Variants in TNRC18 observed in about 807,000 individuals in gnomAD.
TNRC18 encodes the protein trinucleotide repeat containing 18, also known as trinucleotide repeat-containing gene 18 protein.
In TNRC18, 69 loss-of-function variants were observed where a neutral mutation model predicts 226.7. That is an observed-to-expected ratio of 0.30 (90% CI 0.25 to 0.37). TNRC18 has a LOEUF of 0.37. Among genes scored for constraint, TNRC18 ranks in the 10% least tolerant of loss-of-function variants. The pLI is 1.00. For missense variants in TNRC18, 4,754 were observed against 4,256.6 expected, an observed-to-expected ratio of 1.12 and a Z score of -3.25; for synonymous variants, 2,449 against 1,927.6, an observed-to-expected ratio of 1.27 and a Z score of -7.09.
chr7:5,375,992 G>A (rs763549695), intron 9 of TNRC18, 42 bp downstream of exon 9: 4 of 1,546,250 alleles, frequency 2.6e-6, no homozygotes, highest in Admixed American at 4.0e-5. Context: ...GTCACCCATG[G>A]GGGCCCCCAG....
rs139099754 is a variant in TNRC18, at chr7:5,394,921, C to T, written c.188-326G>A. Among the ~76,000 whole-genome samples the T allele has an allele frequency of 1.1e-3, 175 of 152,296 alleles. 1 individual carries two copies. Among genetic ancestry groups the T allele is most frequent in the African/African-American group, 4.2e-3 (174 of 41,558 alleles). On this transcript the variant is annotated intron_variant, in intron 2 of 29. Coordinates refer to ENST00000430969, the MANE Select transcript of TNRC18 (RefSeq NM_001080495.3). The surrounding 1 kb of genome is among the most constrained non-coding windows in gnomAD (Gnocchi z 4.5). ...CCGCCCAACCAGCCCAGATCCGGCC[C>T]GGCACCATTCTCCCCATCTGCAGGT...
intron 14 of TNRC18, among the ~76,000 whole-genome samples, chr7:5,360,514 G>T (rs955757172): frequency 6.6e-6 from 1 of 152,170 alleles, no homozygotes; most frequent in African/African-American, 2.4e-5. Context: ...ACAGGCGTGA[G>T]CCACCGTGGC....
rs1787274109 is a variant in TNRC18, at chr7:5,312,046, G to C, written c.8388+457C>G. 6.6e-6 allele frequency among the ~76,000 whole-genome samples: 1 copy of C among 152,132 alleles called. No individual in the cohort carries two copies. On this transcript the variant is annotated intron_variant, in intron 27 of 29. Coordinates refer to ENST00000430969, the MANE Select transcript of TNRC18 (RefSeq NM_001080495.3). The surrounding 1 kb of genome is among the most constrained non-coding windows in gnomAD (Gnocchi z 6.3). ...AGCTACTTGGGAGGCTGACGCAGGA[G>C]AATTGCTTGAACCCGGGAGGCAGAG...
At chr7:5,414,700 C>A (rs1259710081) in intron 2 of TNRC18, among the ~76,000 whole-genome samples, 1 of 152,270 alleles carries the variant, frequency 6.6e-6, no homozygotes, top group Non-Finnish European at 1.5e-5. Context: ...GCGTGAGCCA[C>A]TGCGCCCGGC....
intron 2 of TNRC18, among the ~76,000 whole-genome samples, chr7:5,410,316 A>C (rs1478810053): frequency 6.6e-6 from 1 of 151,010 alleles, no homozygotes; most frequent in Non-Finnish European, 1.5e-5. Flanking sequence ...GTCTCAAAAA[A>C]AAAAAAAAAA....
In TNRC18 at chr7:5,377,495, C is replaced by T; in HGVS notation, c.2337G>A (p.Val779=). The change falls in exon 7 of 30, where the codon GTG becomes GTA. Residue 779 remains valine, a synonymous_variant. Coordinates refer to ENST00000430969, the MANE Select transcript of TNRC18 (RefSeq NM_001080495.3). The surrounding 1 kb of genome is among the most constrained non-coding windows in gnomAD (Gnocchi z 5.8). The part of the protein sequence containing the change: ...APNGLNPNLM[V]TGGPALAGSG... Reference sequence around the variant, plus strand: ...AGCCCGCCAGCGCCGGGCCCCCCGTCACCATGAGGTTGGGGTTCAGGCCGT... The same window carrying T: ...AGCCCGCCAGCGCCGGGCCCCCCGTTACCATGAGGTTGGGGTTCAGGCCGT... 1 of 1,584,936 alleles carries T rather than the reference C, an allele frequency of 6.3e-7. No individual in the cohort carries two copies. The highest frequency in any genetic ancestry group is 8.6e-7 in the Non-Finnish European group (1 of 1,166,398).
rs1336905819 is a variant in TNRC18 at position 5,374,403 on chromosome 7, C to T, written c.2881G>A (p.Ala961Thr). ...SKRGLEAAGKAGLATAGPGLL... is the reference protein window; with the variant it reads ...SKRGLEAAGKTGLATAGPGLL... The stretch of plus-strand genomic sequence containing the variant: ...CCGGGGCCGGCGGTGGCCAGGCCAG[C>T]CTTGCCCGCAGCCTCCAGGCCCCGC... The change falls in exon 10 of 30, where the codon GCT (alanine) becomes ACT (threonine). Residue 961 changes from alanine to threonine, a missense_variant. Transcript: ENST00000430969. 2 of 1,533,542 alleles carry T rather than the reference C, an allele frequency of 1.3e-6. No individual in the cohort carries two copies. The highest frequency in any genetic ancestry group is 5.2e-5 in the East Asian group (2 of 38,644). 95.0% of individuals were successfully genotyped at this position (1,533,542 alleles called of 1,614,324 possible). A position where few individuals can be genotyped will look rare whatever the true frequency, so the allele number is the denominator to read the frequency against.
In TNRC18 at chr7:5,320,517, C is replaced by A. The variant is rs764212617; in HGVS notation, c.6636+15G>T. ...CCACCCCGAGCCTCCCGAGGCCCCGCCCCTCCCCCCTCACCGCCTCCTGCA... is the reference window on the plus strand; with the variant it reads ...CCACCCCGAGCCTCCCGAGGCCCCGACCCTCCCCCCTCACCGCCTCCTGCA... On this transcript the variant is annotated intron_variant, in intron 23 of 29. Coordinates refer to ENST00000430969, the MANE Select transcript of TNRC18 (RefSeq NM_001080495.3). The A allele has an allele frequency of 1.1e-5, 18 of 1,604,440 alleles. No homozygotes were observed. Among genetic ancestry groups the A allele is most frequent in the Admixed American group, 1.7e-5 (1 of 59,388 alleles).
chr7:5,364,569 C>T (rs1459457071), intron 11 of TNRC18, among the ~76,000 whole-genome samples: 3 of 151,054 alleles, frequency 2.0e-5, no homozygotes, highest in Non-Finnish European at 4.4e-5. Context: ...TTTGGGAGGC[C>T]GAGGCGGGTG....
rs374559141 is a variant in TNRC18, at chr7:5,403,557, CTGAGGCAGGAGTCGTT to C, written c.188-8978_188-8963del. 3.1e-3 allele frequency among the ~76,000 whole-genome samples: 477 copies of C among 152,212 alleles called. 6 individuals carry two copies. The highest frequency in any genetic ancestry group is 0.011 in the African/African-American group (441 of 41,542). On this transcript the variant is annotated intron_variant, in intron 2 of 29. Transcript: ENST00000430969. ...CTGTCAATCCTAGGACTTTGGGAGG[CTGAGGCAGGAGTCGTT>C]TGAGGCCAGGAGTTCAAGACCAGCC...
intron 11 of TNRC18, among the ~76,000 whole-genome samples, chr7:5,369,063 C>T (rs1034167197): frequency 9.2e-5 from 14 of 152,158 alleles, no homozygotes; most frequent in Admixed American, 8.5e-4. Flanking sequence ...AAGCATGAAC[C>T]GAGGCTGGGA....
In TNRC18 at chr7:5,388,058, A is replaced by C. The variant is rs774194410; in HGVS notation, c.1766T>G (p.Ile589Arg). 1 of 1,559,806 alleles carries C rather than the reference A, an allele frequency of 6.4e-7. No homozygotes were observed. Among genetic ancestry groups the C allele is most frequent in the Non-Finnish European group, 8.7e-7 (1 of 1,152,712 alleles). Reference protein sequence around the residue: ...SGEASAMQSLIKYSGSFARDA... With the variant: ...SGEASAMQSLRKYSGSFARDA... ...CCGGGCAAAGCTGCCACTGTACTTT[A>C]TAAGGCTCTGCATGGCCGAGGCCTC... The change falls in exon 5 of 30, where the codon ATA (isoleucine) becomes AGA (arginine). Residue 589 changes from isoleucine (I) to arginine (R), a missense_variant. Transcript: ENST00000430969.
rs35436171 is a variant in TNRC18 at position 5,346,013 on chromosome 7, C to T, written c.5471-203G>A. Among the ~76,000 whole-genome samples the T allele has an allele frequency of 0.15, 22,864 of 152,224 alleles. 1,955 individuals carry two copies. The highest frequency in any genetic ancestry group is 0.2 in the South Asian group (988 of 4,834). The stretch of plus-strand genomic sequence containing the variant: ...TGCCCCCGGCCAGCTGAGCCCAACG[C>T]GGGCATCCCAGAAAGCCCGGAGGTG... On this transcript the variant is annotated intron_variant, in intron 17 of 29. Transcript: ENST00000430969.
chr7:5,360,629 A>G (rs927084237), intron 14 of TNRC18, among the ~76,000 whole-genome samples: 1 of 152,136 alleles, frequency 6.6e-6, no homozygotes, highest in Non-Finnish European at 1.5e-5. Context: ...ACTCAAGAAC[A>G]GGAAATTTAA....
chr7:5,313,395 A>G lies in TNRC18; in HGVS notation c.7496T>C (p.Leu2499Pro), dbSNP rs1164422234. The G allele has an allele frequency of 6.3e-7, 1 of 1,593,780 alleles. No homozygotes were observed. The highest frequency in any genetic ancestry group is 1.1e-5 in the South Asian group (1 of 88,496). Residue 2499 changes from leucine to proline, a missense_variant, in exon 27 of 30, where the codon CTG (leucine) becomes CCG (proline). Coordinates refer to ENST00000430969, the MANE Select transcript of TNRC18 (RefSeq NM_001080495.3). ...CGCGGGGGGATAGCTGCCCAGGCTC[A>G]GGAGGCTCTTGGGCTCCTGCCAGCC... ...AGGWQEPKSL[L>P]SLGSYPPAAG...
In TNRC18 at chr7:5,313,701, C is replaced by G; in HGVS notation, c.7190G>C (p.Ser2397Thr). 6.3e-7 allele frequency: 1 copy of G among 1,599,964 alleles called. No homozygotes were observed. Among genetic ancestry groups the G allele is most frequent in the Non-Finnish European group, 8.5e-7 (1 of 1,173,260 alleles). ...PKARPAPPQP[S>T]PAPPAFTSCP... Reference sequence around the variant, plus strand: ...GCTGGTGAAGGCGGGTGGTGCGGGACTGGGCTGCGGCGGTGCCGGGCGCGC... The same window carrying G: ...GCTGGTGAAGGCGGGTGGTGCGGGAGTGGGCTGCGGCGGTGCCGGGCGCGC... The change falls in exon 27 of 30, where the codon AGT (serine) becomes ACT (threonine). Residue 2397 changes from serine (S) to threonine (T), a missense_variant. Ser to Thr is a moderately conservative substitution (Grantham distance 58). Coordinates refer to ENST00000430969, the MANE Select transcript of TNRC18 (RefSeq NM_001080495.3).
rs143742244 is a variant in TNRC18 at position 5,361,319 on chromosome 7, G to A, written c.4661+275C>T. 4.1e-3 allele frequency among the ~76,000 whole-genome samples: 618 copies of A among 152,354 alleles called. 2 individuals are homozygous for A. Among genetic ancestry groups the A allele is most frequent in the Middle Eastern group, 6.8e-3 (2 of 294 alleles). ...AAAGAGGAGGAATTAGGCCCTAGGCGTGAGGAGGCAGGCGTGGCAGGAAGA... is the reference window on the plus strand; with the variant it reads ...AAAGAGGAGGAATTAGGCCCTAGGCATGAGGAGGCAGGCGTGGCAGGAAGA... On this transcript the variant is annotated intron_variant, in intron 14 of 29. Coordinates refer to ENST00000430969, the MANE Select transcript of TNRC18 (RefSeq NM_001080495.3).
At chr7:5,406,899 C>T (rs2128214789) in intron 2 of TNRC18, among the ~76,000 whole-genome samples, 1 of 151,930 alleles carries the variant, frequency 6.6e-6, no homozygotes. Context: ...AAAAGAAGAG[C>T]CAAGAAGTGA....
intron 27 of TNRC18, among the ~76,000 whole-genome samples, chr7:5,310,239 A>C (rs560604524): frequency 5.9e-5 from 9 of 151,826 alleles, no homozygotes; most frequent in Non-Finnish European, 7.4e-5. Flanking sequence ...TATTATTATT[A>C]TTCTTTTTGA....
Sources: allele counts gnomAD v4.1 joint callset (sites outside exome capture counted in the v4.1 genomes callset), GRCh38; gene constraint gnomAD v4.1.1; non-coding constraint Gnocchi (gnomAD v3.1); transcripts MANE v1.5; gene names NCBI Gene and HGNC (gene_info 2026-07-23, HGNC 2026-07-21).